METAP2: variants seen among roughly 807,000 people sequenced by gnomAD.
The protein encoded by METAP2 is methionine aminopeptidase 2.
METAP2 carries 25 observed loss-of-function variants against 59.4 expected under a neutral mutation model. The observed-to-expected ratio is 0.42, with a 90% confidence interval of 0.31 to 0.59. The LOEUF (loss-of-function observed/expected upper bound fraction) is 0.59, where lower values mean the gene tolerates loss of function less well. Ranked by LOEUF, METAP2 falls within the 20% of genes least tolerant of loss-of-function variation. The pLI is 0.16. For synonymous variants in METAP2, 214 were observed against 194.1 expected (o/e 1.10, Z -0.85); for missense variants, 366 against 581.2 (o/e 0.63, Z 3.81).
chr12:95,510,425 A>G (rs970854227), intron 8 of METAP2, among the ~76,000 whole-genome samples: 1 of 152,144 alleles, frequency 6.6e-6, no homozygotes, highest in African/African-American at 2.4e-5. Context: ...GCATCATCCT[A>G]TGGCATTAGG....
intron 7 of METAP2, among the ~76,000 whole-genome samples, chr12:95,502,756 T>A (rs891765944): frequency 1.3e-5 from 2 of 152,066 alleles, no homozygotes; most frequent in African/African-American, 4.8e-5. Context: ...CACTTTAATC[T>A]TTTTTATTCT....
In METAP2 at chr12:95,515,420, C is replaced by A. The variant is rs1461463620; in HGVS notation, c.*1516C>A. 2.6e-5 allele frequency: 4 copies of A among 152,276 alleles called. No individual in the cohort carries two copies. Among genetic ancestry groups the A allele is most frequent in the Non-Finnish European group, 4.4e-5 (3 of 68,050 alleles). 9.4% of individuals were successfully genotyped at this position (152,276 alleles called of 1,614,324 possible). ...GCTCGCCAGTTCATGCCTGGACATACTGTCAGGGCTGGGCCCTCCAGCTAG... is the reference window on the plus strand; with the variant it reads ...GCTCGCCAGTTCATGCCTGGACATAATGTCAGGGCTGGGCCCTCCAGCTAG... On this transcript the variant is annotated 3_prime_UTR_variant, in exon 11 of 11. Transcript: ENST00000323666.
rs12318111 is a variant in METAP2, at chr12:95,493,129, G to A, written c.429-927G>A. Among the ~76,000 whole-genome samples, 499 of 151,956 alleles carry A rather than the reference G, an allele frequency of 3.3e-3. 1 individual carries two copies. The highest frequency in any genetic ancestry group is 0.011 in the African/African-American group (474 of 41,392). On this transcript the variant is annotated intron_variant, in intron 4 of 10. Coordinates refer to ENST00000323666, the MANE Select transcript of METAP2 (RefSeq NM_006838.4). The stretch of plus-strand genomic sequence containing the variant: ...TTTTTTTTTTAAATATCATTTTAAG[G>A]CAGTTAATGTTTTTCCTACTACAGG...
intron 8 of METAP2, 60 bp from the exon 9 acceptor site, chr12:95,511,834 GA>G: frequency 8.6e-7 from 1 of 1,164,648 alleles, no homozygotes; most frequent in Admixed American, 2.0e-5. Flanking sequence ...CAAAATGTAA[GA>G]GATCTGTTTT....
chr12:95,486,724 C>T lies in METAP2; in HGVS notation c.428+743C>T, dbSNP rs2076199985. On this transcript the variant is annotated intron_variant, in intron 4 of 10. Coordinates refer to ENST00000323666, the MANE Select transcript of METAP2 (RefSeq NM_006838.4). ...GTGGATCAGGCTGGTCTTGAACTCC[C>T]AACCTCAGGTGATCCGCCCACCTTG... is the stretch of plus-strand genomic sequence containing the variant. 2.6e-5 allele frequency among the ~76,000 whole-genome samples: 4 copies of T among 152,184 alleles called. No individual in the cohort carries two copies. In the South Asian group the frequency reaches 8.3e-4, roughly 32 times the overall value.
At chr12:95,500,746 A>T (rs1248294028) in intron 7 of METAP2, among the ~76,000 whole-genome samples, 1 of 152,166 alleles carries the variant, frequency 6.6e-6, no homozygotes, top group Non-Finnish European at 1.5e-5. Context: ...CATGGTGTGT[A>T]TTCCTTTTAA....
At chr12:95,478,980 G>T (rs1349898776) in intron 2 of METAP2, among the ~76,000 whole-genome samples, 2 of 152,148 alleles carry the variant, frequency 1.3e-5, no homozygotes, top group Non-Finnish European at 2.9e-5. Context: ...GGCTGGGATG[G>T]GAGGATCTTT....
intron 8 of METAP2, among the ~76,000 whole-genome samples, chr12:95,504,435 A>G (rs1354202710): frequency 6.6e-6 from 1 of 152,222 alleles, no homozygotes; most frequent in Non-Finnish European, 1.5e-5. Context: ...ATCAAGGCTG[A>G]GAGAAGCCAG....
intron 7 of METAP2, among the ~76,000 whole-genome samples, chr12:95,501,007 A>ATTTTT (rs540202398): frequency 1.3e-4 from 13 of 103,534 alleles, no homozygotes; most frequent in African/African-American, 2.9e-4. Context: ...CTTTGTTGGG[A>ATTTTT]TTTTTTTTTT....
Position 95,474,431 on chromosome 12 carries a change from C to G in METAP2, c.151+101C>G. On this transcript the variant is annotated intron_variant, in intron 1 of 10. Transcript: ENST00000323666. ...CGGGACCGGGGCCCCAGAGCCCCGACTAGACTGATTCTTGGGCCTGACAGG... is the reference window on the plus strand; with the variant it reads ...CGGGACCGGGGCCCCAGAGCCCCGAGTAGACTGATTCTTGGGCCTGACAGG... The G allele has an allele frequency of 3.1e-6, 4 of 1,292,898 alleles. 1 individual carries two copies. Among genetic ancestry groups the G allele is most frequent in the South Asian group, 2.9e-5 (2 of 67,844 alleles). The allele number at this position is 1,292,898 out of a possible 1,614,324, so 80.1% of individuals were successfully genotyped here.
At chr12:95,492,610 G>C (rs985682790) in intron 4 of METAP2, among the ~76,000 whole-genome samples, 3 of 151,744 alleles carry the variant, frequency 2.0e-5, no homozygotes, top group African/African-American at 7.3e-5. Context: ...CTGTTGCCCA[G>C]GCTGGGGTAT....
rs986539772 is a variant in METAP2, at chr12:95,499,017, A to C, written c.867+2919A>C. Among the ~76,000 whole-genome samples, 136 of 77,276 alleles carry C rather than the reference A, an allele frequency of 1.8e-3. 1 individual carries two copies. In the East Asian group the frequency reaches 0.056, roughly 32 times the overall value. 50.7% of individuals were successfully genotyped at this position (77,276 alleles called of 152,430 possible). The stretch of plus-strand genomic sequence containing the variant: ...GGTAAAAAAGCAAGACCCTGTCCCA[A>C]AAAAAAAAAAAGAAATCATTTGTTT... On this transcript the variant is annotated intron_variant, in intron 7 of 10. Coordinates refer to ENST00000323666, the MANE Select transcript of METAP2 (RefSeq NM_006838.4).
In METAP2 at chr12:95,504,105, C is replaced by G; in HGVS notation, c.908C>G (p.Ala303Gly). The G allele has an allele frequency of 6.2e-7, 1 of 1,613,486 alleles. No homozygotes were observed. Among genetic ancestry groups the G allele is most frequent in the East Asian group, 2.2e-5 (1 of 44,850 alleles). Residue 303 changes from alanine to glycine, a missense_variant, in exon 8 of 11, where the codon GCC becomes GGC. This residue lies in a region of METAP2 where 106 missense variants were observed against 221.9 expected (regional missense o/e 0.48). Coordinates refer to ENST00000323666, the MANE Select transcript of METAP2 (RefSeq NM_006838.4). ...GTTCGTCTGTGTGATGTTGGTGAGGCCATCCAAGAAGTTATGGAGTCCTAT... is the reference window on the plus strand; with the variant it reads ...GTTCGTCTGTGTGATGTTGGTGAGGGCATCCAAGAAGTTATGGAGTCCTAT... Reference protein sequence around the residue: ...IDVRLCDVGEAIQEVMESYEV... With the variant: ...IDVRLCDVGEGIQEVMESYEV...
intron 4 of METAP2, among the ~76,000 whole-genome samples, chr12:95,486,988 T>A (rs1258914154): frequency 6.6e-6 from 1 of 152,208 alleles, no homozygotes; most frequent in African/African-American, 2.4e-5. Flanking sequence ...GAATCCCAGT[T>A]CTGACATTTA....
rs147180983 is a variant in METAP2, at chr12:95,481,662, C to T, written c.260-1553C>T. Among the ~76,000 whole-genome samples the T allele has an allele frequency of 3.3e-3, 506 of 152,218 alleles. 2 individuals are homozygous for T. Among genetic ancestry groups the T allele is most frequent in the African/African-American group, 0.012 (481 of 41,538 alleles). ...ATTAGCCTCAAAAGGATGAAAGTATCAAAGAAGGACCTTTTTGTTCCATTT... is the reference window on the plus strand; with the variant it reads ...ATTAGCCTCAAAAGGATGAAAGTATTAAAGAAGGACCTTTTTGTTCCATTT... On this transcript the variant is annotated intron_variant, in intron 2 of 10. Transcript: ENST00000323666.
intron 10 of METAP2, among the ~76,000 whole-genome samples, 174 bp downstream of exon 10, chr12:95,513,090 TACACACACACACACACACACACACACAC>T (rs60788079): frequency 2.2e-5 from 3 of 136,092 alleles, no homozygotes; most frequent in Non-Finnish European, 4.7e-5. Context: ...AGATAAAAAT[TACACACACACACACACACACACACACAC>T]ACACACACAC....
At chr12:95,488,898 A>G (rs541035050) in intron 4 of METAP2, among the ~76,000 whole-genome samples, 49 of 152,216 alleles carry the variant, frequency 3.2e-4, no homozygotes, top group African/African-American at 1.2e-3. Flanking sequence ...ACACACACAC[A>G]CAAATGTCCT....
intron 1 of METAP2, among the ~76,000 whole-genome samples, chr12:95,475,196 A>G (rs1167497777): frequency 2.6e-5 from 4 of 152,222 alleles, no homozygotes; most frequent in African/African-American, 9.6e-5. Flanking sequence ...TCTAATTAAA[A>G]TCGCCAGAGA....
chr12:95,507,467 T>C (rs1306253573), intron 8 of METAP2, among the ~76,000 whole-genome samples: 2 of 152,260 alleles, frequency 1.3e-5, no homozygotes, highest in Non-Finnish European at 2.9e-5. Context: ...CATGGCAAAA[T>C]ACCAGGATTG....
Sources: allele counts gnomAD v4.1 joint callset (sites outside exome capture counted in the v4.1 genomes callset), GRCh38; gene constraint gnomAD v4.1.1; regional missense constraint gnomAD v4.1.1; transcripts MANE v1.5; gene names NCBI Gene and HGNC (gene_info 2026-07-23, HGNC 2026-07-21).